Variants in PNKD observed in about 807,000 individuals in gnomAD.
The protein encoded by PNKD is probable thioesterase PNKD.
In PNKD, 36 loss-of-function variants were observed where a neutral mutation model predicts 45.3. The observed-to-expected ratio is 0.80, with a 90% confidence interval of 0.61 to 1.05. The LOEUF is 1.05. PNKD is among the 50% of genes least tolerant of loss of function. PNKD has a pLI of 0.00. For missense variants in PNKD, 511 were observed against 506.6 expected, an observed-to-expected ratio of 1.01 and a Z score of -0.08; for synonymous variants, 197 against 210.1, an observed-to-expected ratio of 0.94 and a Z score of 0.54.
At chr2:218,342,538 A>G (rs1694710720) in intron 7 of PNKD, among the ~76,000 whole-genome samples, 1 of 152,058 alleles carries the variant, frequency 6.6e-6, no homozygotes, top group South Asian at 2.1e-4. Flanking sequence ...CGTCTCTACT[A>G]AAAATACAGA....
intron 2 of PNKD, among the ~76,000 whole-genome samples, chr2:218,334,315 T>C (rs1384564170): frequency 3.9e-5 from 6 of 152,118 alleles, no homozygotes; most frequent in Non-Finnish European, 8.8e-5. Flanking sequence ...TATTTTTCCC[T>C]GCTGTTGCCC....
At chr2:218,317,537 C>G (rs1429220007) in intron 2 of PNKD, among the ~76,000 whole-genome samples, 6 of 152,228 alleles carry the variant, frequency 3.9e-5, no homozygotes, top group Non-Finnish European at 8.8e-5. Flanking sequence ...TGGCCTTGGC[C>G]TGGACTATTG....
intron 2 of PNKD, among the ~76,000 whole-genome samples, chr2:218,331,422 A>G (rs2106283788): frequency 6.6e-6 from 1 of 151,842 alleles, no homozygotes; most frequent in South Asian, 2.1e-4. Context: ...AAAAAAACCC[A>G]AAACAAATAT....
intron 2 of PNKD, among the ~76,000 whole-genome samples, chr2:218,272,395 G>A (rs1408054047): frequency 1.3e-5 from 2 of 152,206 alleles, no homozygotes; most frequent in African/African-American, 4.8e-5. Context: ...TTTAAGCAGG[G>A]AAGTGACAGG....
chr2:218,324,206 A>G (rs1694078400), intron 2 of PNKD, among the ~76,000 whole-genome samples: 1 of 152,182 alleles, frequency 6.6e-6, no homozygotes, highest in African/African-American at 2.4e-5. Flanking sequence ...AGGGAAGAAG[A>G]CAGGCCTCCG....
chr2:218,282,348 C>G, intron 2 of PNKD: 1 of 487,850 alleles, frequency 2.0e-6, no homozygotes, highest in Non-Finnish European at 3.6e-6. Context: ...ACCTCCCCAC[C>G]AACTGGGCTC....
chr2:218,313,377 C>T (rs975540137), intron 2 of PNKD, among the ~76,000 whole-genome samples: 5 of 152,184 alleles, frequency 3.3e-5, no homozygotes, highest in African/African-American at 1.2e-4. Context: ...TCCCAAAGTA[C>T]TGGGAGTACA....
rs577027430 is a variant in PNKD at position 218,344,571 on chromosome 2, G to A, written c.984+1G>A. ...GCAGCGGCTGGAGCGCAAGGGCACG[G>A]TGAGGGACTCGGGGTCCAGGAGGAG... On this transcript the variant is annotated splice_donor_variant, in intron 9 of 9. Coordinates refer to ENST00000273077, the MANE Select transcript of PNKD (RefSeq NM_015488.5). LOFTEE classifies it high-confidence loss of function. 77 of 1,589,126 alleles carry A rather than the reference G, an allele frequency of 4.8e-5. No homozygotes were observed. Among genetic ancestry groups the A allele is most frequent in the Non-Finnish European group, 6.3e-5 (73 of 1,167,338 alleles).
At position 218,342,163 on chromosome 2, in the gene PNKD, G is replaced by C. The variant is rs768075145; in HGVS notation, c.781+19G>C. ...GGCTGTGGTGAGTTTCCCCGAAAGAGAGAGGAGCTGGGAGAGGAGGGAGAG... is the reference window on the plus strand; with the variant it reads ...GGCTGTGGTGAGTTTCCCCGAAAGACAGAGGAGCTGGGAGAGGAGGGAGAG... On this transcript the variant is annotated intron_variant, in intron 7 of 9. Coordinates refer to ENST00000273077, the MANE Select transcript of PNKD (RefSeq NM_015488.5). The C allele has an allele frequency of 3.1e-6, 5 of 1,608,800 alleles. No individual in the cohort carries two copies. The highest frequency in any genetic ancestry group is 4.2e-6 in the Non-Finnish European group (5 of 1,178,484).
intron 2 of PNKD, among the ~76,000 whole-genome samples, chr2:218,333,751 G>A (rs1010385135): frequency 6.6e-6 from 1 of 152,036 alleles, no homozygotes; most frequent in Admixed American, 6.6e-5. Context: ...GACAGGAATG[G>A]GACTCAGGCA....
chr2:218,309,884 G>A (rs569009693), intron 2 of PNKD, among the ~76,000 whole-genome samples: 8 of 151,314 alleles, frequency 5.3e-5, no homozygotes, highest in South Asian at 2.1e-4. Flanking sequence ...GCGGTGAGCC[G>A]AGATCGCGAC....
rs1322366861 is a variant in PNKD, at chr2:218,340,641, C to G, written c.466-87C>G. On this transcript the variant is annotated intron_variant, in intron 4 of 9. Coordinates refer to ENST00000273077, the MANE Select transcript of PNKD (RefSeq NM_015488.5). This position sits in a 1 kb window ranked among gnomAD's most constrained non-coding sequence, Gnocchi z 4.2. ...ATCTCTCCATGCTCTCCTCTCCTCT[C>G]CACCAGCGCCCACACTCCTGGCTCT... is the stretch of plus-strand genomic sequence containing the variant. 9 of 934,142 alleles carry G rather than the reference C, an allele frequency of 9.6e-6. No homozygotes were observed. The highest frequency in any genetic ancestry group is 1.6e-5 in the Non-Finnish European group (9 of 561,120). The allele number at this position is 934,142 out of a possible 1,614,324, so 57.9% of individuals were successfully genotyped here.
At chr2:218,306,277 C>A (rs1168083312) in intron 2 of PNKD, among the ~76,000 whole-genome samples, 1 of 152,144 alleles carries the variant, frequency 6.6e-6, no homozygotes, top group Non-Finnish European at 1.5e-5. Context: ...TGGCTAGGGG[C>A]TGCAGGTGCC....
In PNKD at chr2:218,321,934, C is replaced by CTTTT. The variant is rs35226712; in HGVS notation, c.237-17834_237-17831dup. ...CCACCGCTCCCGGCCGAGCTTGACT[C>CTTTT]TTTTTTTTTTTTTTTTTTGAGCCGG... On this transcript the variant is annotated intron_variant, in intron 2 of 9. Coordinates refer to ENST00000273077, the MANE Select transcript of PNKD (RefSeq NM_015488.5). Among the ~76,000 whole-genome samples the CTTTT allele has an allele frequency of 5.6e-4, 68 of 120,494 alleles. 2 individuals carry two copies. The highest frequency in any genetic ancestry group is 1.0e-3 in the Non-Finnish European group (61 of 59,270). 79.0% of individuals were successfully genotyped at this position (120,494 alleles called of 152,430 possible).
intron 2 of PNKD, among the ~76,000 whole-genome samples, chr2:218,301,027 GC>G (rs1211202836): frequency 6.6e-6 from 1 of 152,034 alleles, no homozygotes; most frequent in Non-Finnish European, 1.5e-5. Context: ...ACTGAAATAA[GC>G]ATCAAGGTTT....
intron 2 of PNKD, among the ~76,000 whole-genome samples, chr2:218,315,006 C>CTT (rs1553667669): frequency 2.3e-3 from 123 of 53,888 alleles, no homozygotes; most frequent in Middle Eastern, 0.016. Flanking sequence ...TTCTTTCTTT[C>CTT]TTTCTTTTTC....
At chr2:218,272,649 A>G (rs1450624931) in intron 2 of PNKD, 2 of 1,614,068 alleles carry the variant, frequency 1.2e-6, no homozygotes, top group African/African-American at 1.3e-5. Context: ...GAAGCAGATG[A>G]AGGCTCGGCA....
At chr2:218,307,631 C>T (rs1236638656) in intron 2 of PNKD, among the ~76,000 whole-genome samples, 1 of 152,162 alleles carries the variant, frequency 6.6e-6, no homozygotes, top group Non-Finnish European at 1.5e-5. Context: ...TGTGGCCTGG[C>T]TCCTAACAGA....
At chr2:218,271,263 T>C (rs1690818808) in intron 1 of PNKD, 118 bp from the exon 2 acceptor site, 3 of 877,666 alleles carry the variant, frequency 3.4e-6, no homozygotes, top group South Asian at 1.3e-5. Flanking sequence ...TACTTCAGAC[T>C]GCAGTCACTC....
Sources: gnomAD v4.1 joint callset for allele counts (sites outside exome capture counted in the v4.1 genomes callset) on GRCh38, gnomAD v4.1.1 for gene constraint, Gnocchi (gnomAD v3.1) non-coding constraint, MANE v1.5 for transcripts, NCBI Gene and HGNC (gene_info 2026-07-23, HGNC 2026-07-21) for gene names.